The following OAS3 variants were observed in gnomAD, a reference collection of about 807,000 sequenced individuals.
The protein encoded by OAS3 is 2'-5'-oligoadenylate synthase 3.
Under a neutral mutation model 113.0 loss-of-function variants are expected in OAS3, and 107 were observed. That is an observed-to-expected ratio of 0.95 (90% CI 0.81 to 1.11). The LOEUF is 1.11. OAS3 is among the 50% of genes most tolerant of loss of function. OAS3 has a pLI of 0.00. For synonymous variants in OAS3, 552 were observed against 573.6 expected, an observed-to-expected ratio of 0.96 and a Z score of 0.54; for missense variants, 1,258 against 1,389.1, an observed-to-expected ratio of 0.91 and a Z score of 1.50.
At chr12:112,952,011 C>G (rs2043797813) in intron 7 of OAS3, among the ~76,000 whole-genome samples, 1 of 152,176 alleles carries the variant, frequency 6.6e-6, no homozygotes, top group Non-Finnish European at 1.5e-5. Flanking sequence ...GACTCTATCT[C>G]ATGCTTTCCA....
intron 1 of OAS3, 82 bp from the exon 2 acceptor site, chr12:112,941,488 T>C: frequency 6.8e-7 from 1 of 1,473,426 alleles, no homozygotes; most frequent in Non-Finnish European, 9.3e-7. Context: ...CCAGCACACT[T>C]GCCTCACTCA....
chr12:112,949,332 T>C (rs2043768026), intron 6 of OAS3, 127 bp downstream of exon 6: 1 of 707,980 alleles, frequency 1.4e-6, no homozygotes, highest in Non-Finnish European at 2.3e-6. Flanking sequence ...GATGATTTGC[T>C]GGCTTAAATA....
At position 112,962,594 on chromosome 12, in the gene OAS3, G is replaced by T. The variant is rs547429377; in HGVS notation, c.1834-58G>T. 7.3e-4 allele frequency: 1,153 copies of T among 1,586,298 alleles called. 10 individuals carry two copies. Among genetic ancestry groups the T allele is most frequent in the Middle Eastern group, 1.7e-3 (10 of 5,936 alleles). ...TCCCTTCCTGCCCCAAGTGCTTATG[G>T]CCACACTCAGCTCACATCCACTAAT... is the stretch of plus-strand genomic sequence containing the variant. On this transcript the variant is annotated intron_variant, in intron 8 of 15. Coordinates refer to ENST00000228928, the MANE Select transcript of OAS3 (RefSeq NM_006187.4).
At position 112,960,871 on chromosome 12, in the gene OAS3, A is replaced by T. The variant is rs539942167; in HGVS notation, c.1658-200A>T. ...GCAGTTACTGGATGGATTAGCAAAA[A>T]ATATTGAAAAGCATCCAGTACAGAA... On this transcript the variant is annotated intron_variant, in intron 7 of 15. Coordinates refer to ENST00000228928, the MANE Select transcript of OAS3 (RefSeq NM_006187.4). Among the ~76,000 whole-genome samples the T allele has an allele frequency of 1.5e-3, 230 of 152,332 alleles. 3 individuals carry two copies. The highest frequency in any genetic ancestry group is 2.5e-3 in the Non-Finnish European group (173 of 68,040).
chr12:112,967,796 G>A, intron 13 of OAS3, 140 bp from the exon 14 acceptor site: 1 of 1,105,598 alleles, frequency 9.0e-7, no homozygotes, highest in Middle Eastern at 2.2e-4. Flanking sequence ...AGGATGTGAT[G>A]GGATAATGCA....
rs1033114553 is a variant in OAS3 at position 112,962,750 on chromosome 12, C to A, written c.1932C>A (p.Cys644Ter). 37 of 1,613,894 alleles carry A rather than the reference C, an allele frequency of 2.3e-5. No individual in the cohort carries two copies. The highest frequency in any genetic ancestry group is 3.1e-5 in the Non-Finnish European group (37 of 1,179,892). ...LLTIFAWEQG[C>*]RQDCFNMAQG... is the part of the protein sequence containing the mutation. Reference sequence around the variant, plus strand: ...CCATCTTTGCCTGGGAGCAGGGCTGCAGGCAGGATTGTTTCAACATGGCCC... The same window carrying A: ...CCATCTTTGCCTGGGAGCAGGGCTGAAGGCAGGATTGTTTCAACATGGCCC... The change falls in exon 9 of 16, where the codon TGC (cysteine) becomes TGA (stop). Residue 644 changes from cysteine (C) to a stop codon, truncating the protein, a stop_gained. Coordinates refer to ENST00000228928, the MANE Select transcript of OAS3 (RefSeq NM_006187.4). LOFTEE classifies it high-confidence loss of function.
chr12:112,969,462 A>C lies in OAS3; in HGVS notation c.3105-146A>C, dbSNP rs892281501. On this transcript the variant is annotated intron_variant, in intron 14 of 15. Transcript: ENST00000228928. ...GTCTTATTTTCTATACCTGCCCTGT[A>C]GTGTATAGGAGCACTGAGGAATCTC... The C allele has an allele frequency of 2.7e-5, 23 of 859,346 alleles. No homozygotes were observed. In the East Asian group the frequency reaches 5.9e-4, roughly 22 times the overall value. 53.2% of individuals were successfully genotyped at this position (859,346 alleles called of 1,614,324 possible). A position where few individuals can be genotyped will look rare whatever the true frequency, so the allele number is the denominator to read the frequency against.
At position 112,946,782 on chromosome 12, in the gene OAS3, G is replaced by A. The variant is rs752806625; in HGVS notation, c.676G>A (p.Val226Ile). 5.0e-6 allele frequency: 8 copies of A among 1,613,060 alleles called. No individual in the cohort carries two copies. The highest frequency in any genetic ancestry group is 4.2e-6 in the Non-Finnish European group (5 of 1,179,612). Residue 226 changes from valine to isoleucine, a missense_variant, in exon 4 of 16, where the codon GTC becomes ATC. Physicochemically the swap from Val to Ile is conservative, Grantham distance 29. Transcript: ENST00000228928. ...GTTGTGGAAGGAGACGCTGCCCCCG[G>A]TCTATGCCCTGGAATTGCTGACCAT... The part of the protein sequence containing the change: ...QGLWKETLPP[V>I]YALELLTIFA...
Position 112,941,584 on chromosome 12 carries a change from C to T in OAS3, c.192C>T (p.Gly64=), listed in dbSNP as rs1227944704. 15 of 1,612,362 alleles carry T rather than the reference C, an allele frequency of 9.3e-6. No individual in the cohort carries two copies. Among genetic ancestry groups the T allele is most frequent in the Non-Finnish European group, 1.3e-5 (15 of 1,178,602 alleles). The part of the protein sequence containing the change: ...VLKTVKGGSS[G]RGTALKGGCD... ...TCTTTGCCCAGGGAGGCTCCTCGGG[C>T]CGGGGCACAGCTCTCAAGGGTGGCT... Residue 64 remains glycine, a synonymous_variant, in exon 2 of 16, where the codon GGC becomes GGT. Coordinates refer to ENST00000228928, the MANE Select transcript of OAS3 (RefSeq NM_006187.4).
intron 7 of OAS3, among the ~76,000 whole-genome samples, chr12:112,957,272 G>T (rs1391194550): frequency 1.3e-5 from 2 of 152,122 alleles, no homozygotes; most frequent in African/African-American, 4.8e-5. Context: ...GCACACTGAT[G>T]GGTCTTGACT....
At position 112,954,557 on chromosome 12, in the gene OAS3, A is replaced by T. The variant is rs2043817784; in HGVS notation, c.1657+3582A>T. ...GTGATCCACCCACCTCGGCCTCCCA[A>T]AGTGCTGGGATTACAGGCGTGAGCC... is the stretch of plus-strand genomic sequence containing the variant. On this transcript the variant is annotated intron_variant, in intron 7 of 15. Coordinates refer to ENST00000228928, the MANE Select transcript of OAS3 (RefSeq NM_006187.4). This position sits in a 1 kb window ranked among gnomAD's most constrained non-coding sequence, Gnocchi z 4.0. Among the ~76,000 whole-genome samples, 1 of 152,136 alleles carries T rather than the reference A, an allele frequency of 6.6e-6. No individual in the cohort carries two copies. Among genetic ancestry groups the T allele is most frequent in the South Asian group, 2.1e-4 (1 of 4,826 alleles).
chr12:112,967,975 C>G lies in OAS3; in HGVS notation c.2905C>G (p.Gln969Glu), dbSNP rs554526115. The change falls in exon 14 of 16, where the codon CAG becomes GAG. Residue 969 changes from glutamine to glutamate, a missense_variant. Physicochemically the swap from Gln to Glu is conservative, Grantham distance 29 (BLOSUM62 2). Coordinates refer to ENST00000228928, the MANE Select transcript of OAS3 (RefSeq NM_006187.4). The part of the protein sequence containing the change: ...ISKGRGSLPP[Q>E]HGLELLTVYA... The stretch of plus-strand genomic sequence containing the variant: ...CAAGGGGAGAGGCTCCCTACCCCCA[C>G]AGCACGGGCTGGAACTCCTGACTGT... 4 of 1,614,024 alleles carry G rather than the reference C, an allele frequency of 2.5e-6. No homozygotes were observed. The East Asian group carries it at 6.7e-5, about 27-fold the overall frequency.
At chr12:112,947,921 CCTT>C (rs2136347487) in intron 4 of OAS3, 22 bp from the exon 5 acceptor site, 1 of 1,556,004 alleles carries the variant, frequency 6.4e-7, no homozygotes, top group East Asian at 2.5e-5. Context: ...CTAACCAGAA[CCTT>C]CTTGTCTCTC....
In OAS3 at chr12:112,954,939, C is replaced by T. The variant is rs7295756; in HGVS notation, c.1657+3964C>T. ...TATGGCCATTTTCACAATATTGATT[C>T]TTCCTATCCATGAGCATGGAATGTT... On this transcript the variant is annotated intron_variant, in intron 7 of 15. Coordinates refer to ENST00000228928, the MANE Select transcript of OAS3 (RefSeq NM_006187.4). The surrounding 1 kb of genome is among the most constrained non-coding windows in gnomAD (Gnocchi z 4.0). Among the ~76,000 whole-genome samples, 108,190 of 152,080 alleles carry T rather than the reference C, an allele frequency of 0.71. 38,780 individuals carry two copies. Among genetic ancestry groups the T allele is most frequent in the East Asian group, 0.91 (4,700 of 5,174 alleles).
At position 112,950,693 on chromosome 12, in the gene OAS3, G is replaced by A. The variant is rs760860200; in HGVS notation, c.1375G>A (p.Gly459Arg). The change falls in exon 7 of 16, where the codon GGG becomes AGG. Residue 459 changes from glycine to arginine, a missense_variant and splice_region_variant. Physicochemically the swap from Gly to Arg is moderately radical, Grantham distance 125. Coordinates refer to ENST00000228928, the MANE Select transcript of OAS3 (RefSeq NM_006187.4). ...CVHKASRVSKGGSFGRGTDLR... is the reference protein window; with the variant it reads ...CVHKASRVSKRGSFGRGTDLR... ...ATCTGAGCTGTTCTTCCCTCCACAGGGGGGCTCATTTGGCCGGGGCACAGA... is the reference window on the plus strand; with the variant it reads ...ATCTGAGCTGTTCTTCCCTCCACAGAGGGGCTCATTTGGCCGGGGCACAGA... The A allele has an allele frequency of 7.4e-6, 12 of 1,613,886 alleles. No individual in the cohort carries two copies. In the East Asian group the frequency reaches 1.6e-4, roughly 21 times the overall value.
At chr12:112,950,564 A>T in intron 6 of OAS3, 129 bp from the exon 7 acceptor site, 1 of 1,099,274 alleles carries the variant, frequency 9.1e-7, no homozygotes, top group Non-Finnish European at 1.3e-6. Flanking sequence ...GACCTTTGTC[A>T]TAGTCCCCAG....
chr12:112,942,125 T>G, intron 2 of OAS3: 1 of 592,528 alleles, frequency 1.7e-6, no homozygotes, highest in Non-Finnish European at 3.0e-6. Flanking sequence ...CCTGGAGCGG[T>G]TACTGCTCAG....
At chr12:112,968,758 G>T (rs1593187049) in intron 14 of OAS3, among the ~76,000 whole-genome samples, 1 of 9,514 alleles carries the variant, frequency 1.1e-4, no homozygotes, top group African/African-American at 5.6e-3. Context: ...TCAAGTGATC[G>T]CCTGCCTAGG....
chr12:112,967,807 T>TG (rs1294611334), intron 13 of OAS3, 129 bp from the exon 14 acceptor site: 6 of 1,170,992 alleles, frequency 5.1e-6, no homozygotes, highest in Non-Finnish European at 7.1e-6. Context: ...GGATAATGCA[T>TG]GGCAAGGCAT....
Sources: gnomAD v4.1 joint callset for allele counts (sites outside exome capture counted in the v4.1 genomes callset) on GRCh38, gnomAD v4.1.1 for gene constraint, Gnocchi (gnomAD v3.1) non-coding constraint, MANE v1.5 for transcripts, NCBI Gene and HGNC (gene_info 2026-07-23, HGNC 2026-07-21) for gene names.